Variants in PPEF1 observed in about 807,000 individuals in gnomAD.
The protein encoded by PPEF1 is serine/threonine-protein phosphatase with EF-hands 1.
In PPEF1, 12 loss-of-function variants were observed where a neutral mutation model predicts 53.3. The observed-to-expected ratio is 0.23, with a 90% CI of 0.14 to 0.36. PPEF1 has a LOEUF of 0.36. Ranked by LOEUF, PPEF1 falls within the 10% of genes least tolerant of loss-of-function variation. The pLI is 1.00. For missense variants in PPEF1, 334 were observed against 490.4 expected, an observed-to-expected ratio of 0.68 and a Z score of 3.01; for synonymous variants, 165 against 176.7, an observed-to-expected ratio of 0.93 and a Z score of 0.52.
At chrX:18,814,577 A>G (rs774222564) in intron 12 of PPEF1, among the ~76,000 whole-genome samples, 1 of 111,696 alleles carries the variant, frequency 9.0e-6, no homozygotes, top group South Asian at 3.7e-4. Context: ...TTTGATTTGC[A>G]TTGCTCTGAG....
chrX:18,685,684 C>CAAAAAAAAAA (rs1212907646), intron 2 of PPEF1, among the ~76,000 whole-genome samples: 1 of 28,746 alleles, frequency 3.5e-5, no homozygotes, highest in Non-Finnish European at 6.6e-5. Flanking sequence ...GACTCCATCT[C>CAAAAAAAAAA]AAAAAAAAAA....
chrX:18,823,516 A>T (rs1325347709), intron 13 of PPEF1, among the ~76,000 whole-genome samples: 1 of 109,475 alleles, frequency 9.1e-6, no homozygotes, highest in African/African-American at 3.3e-5. Flanking sequence ...AATCCCAGAT[A>T]CTTGGGAGGC....
At chrX:18,706,393 A>G (rs938959701), upstream of PPEF1, among the ~76,000 whole-genome samples, 3 of 110,046 alleles carry the variant, frequency 2.7e-5, no homozygotes, top group African/African-American at 9.9e-5. Context: ...GAGAAGGACT[A>G]TAGAACACAA....
intron 3 of PPEF1, among the ~76,000 whole-genome samples, chrX:18,740,049 T>G (rs977641385): frequency 1.8e-5 from 2 of 112,430 alleles, no homozygotes; most frequent in African/African-American, 6.5e-5. Context: ...TTCCCTTGGC[T>G]AGGAAAGGGA....
chrX:18,760,943 G>A (rs2045651498), intron 5 of PPEF1, among the ~76,000 whole-genome samples: 1 of 110,279 alleles, frequency 9.1e-6, no homozygotes. Context: ...ACCATGCACA[G>A]CTAATTTTTG....
intron 1 of PPEF1, among the ~76,000 whole-genome samples, chrX:18,728,662 A>G (rs951676983): frequency 1.8e-5 from 2 of 111,108 alleles, no homozygotes; most frequent in East Asian, 2.8e-4. Context: ...TGTTGGGTCT[A>G]TTTCCTGGGG....
intron 3 of PPEF1, among the ~76,000 whole-genome samples, chrX:18,689,480 G>A (rs1290152195): frequency 9.5e-6 from 1 of 105,224 alleles, no homozygotes; most frequent in Non-Finnish European, 2.0e-5. Context: ...GCTCACTCTC[G>A]ACAGAGTGAG....
chrX:18,706,228 A>AAG (rs1375452831), upstream of PPEF1, among the ~76,000 whole-genome samples: 1 of 109,395 alleles, frequency 9.1e-6, no homozygotes, highest in East Asian at 2.8e-4. Flanking sequence ...AAAAAAAAAA[A>AAG]AAAAAAAAAG....
chrX:18,827,749 G>A lies in PPEF1; in HGVS notation c.*262G>A, dbSNP rs1052597888. 8 of 304,864 alleles carry A rather than the reference G, an allele frequency of 2.6e-5. No homozygotes were observed. The highest frequency in any genetic ancestry group is 1.9e-4 in the African/African-American group (7 of 37,759). 25.1% of individuals were successfully genotyped at this position (304,864 alleles called of 1,213,427 possible). On this transcript the variant is annotated 3_prime_UTR_variant, in exon 16 of 16. Coordinates refer to ENST00000470157, the MANE Select transcript of PPEF1 (RefSeq NM_001377996.1). ...AGTGAGAAACTGGGTTGGACCTAGTGGTGTTGTCGTGAGTGCCACCTAACC... is the reference window on the plus strand; with the variant it reads ...AGTGAGAAACTGGGTTGGACCTAGTAGTGTTGTCGTGAGTGCCACCTAACC...
intron 12 of PPEF1, among the ~76,000 whole-genome samples, chrX:18,811,695 C>T (rs1320693819): frequency 9.6e-6 from 1 of 103,954 alleles, no homozygotes; most frequent in Non-Finnish European, 1.9e-5. Context: ...GCAGCCTTGG[C>T]CTGCGGGGCT....
In PPEF1 at chrX:18,824,042, A is replaced by T; in HGVS notation, c.1621A>T (p.Met541Leu). Reference protein sequence around the residue: ...NIDQNGNVEYMSSFQNIRIEK... With the variant: ...NIDQNGNVEYLSSFQNIRIEK... ...AGACCAAAATGGAAACGTTGAATAC[A>T]TGTCCAGCTTCCAGAATATCCGCAT... The change falls in exon 14 of 16, where the codon ATG becomes TTG. Residue 541 changes from methionine to leucine, a missense_variant. Coordinates refer to ENST00000470157, the MANE Select transcript of PPEF1 (RefSeq NM_001377996.1). 1 of 1,205,439 alleles carries T rather than the reference A, an allele frequency of 8.3e-7. No homozygotes were observed. The highest frequency in any genetic ancestry group is 1.1e-6 in the Non-Finnish European group (1 of 890,905).
At chrX:18,745,295 C>G (rs971347236) in intron 3 of PPEF1, among the ~76,000 whole-genome samples, 1 of 103,288 alleles carries the variant, frequency 9.7e-6, no homozygotes, top group Admixed American at 1.1e-4. Flanking sequence ...CTCACTGCAG[C>G]CTCGACCTCC....
At chrX:18,811,603 ATATATATATATATTTTTTT>A (rs1393730532) in intron 12 of PPEF1, among the ~76,000 whole-genome samples, 1,817 of 20,627 alleles carry the variant, frequency 0.088, 43 homozygotes, top group African/African-American at 0.23. Context: ...ATATATATAT[ATATATATATATATTTTTTT>A]TTTTTTTTTT....
intron 10 of PPEF1, among the ~76,000 whole-genome samples, chrX:18,800,652 C>T (rs1011801775): frequency 9.0e-6 from 1 of 111,695 alleles, no homozygotes; most frequent in Non-Finnish European, 1.9e-5. Context: ...TCAAGGAGCT[C>T]ATTGAATGCT....
At chrX:18,681,563 C>G (rs1928884905), upstream of PPEF1, among the ~76,000 whole-genome samples, 2 of 111,883 alleles carry the variant, frequency 1.8e-5, no homozygotes, top group African/African-American at 6.5e-5. Context: ...TCACCCTGGA[C>G]TTGAACGTGA....
chrX:18,782,204 A>G (rs894805488), intron 7 of PPEF1, among the ~76,000 whole-genome samples, 162 bp from the exon 8 acceptor site: 19 of 111,513 alleles, frequency 1.7e-4, no homozygotes, highest in African/African-American at 5.2e-4. Context: ...ATGCTTTCCA[A>G]TCATGCCTAG....
intron 15 of PPEF1, 89 bp from the exon 16 acceptor site, chrX:18,827,186 TG>T: frequency 5.6e-6 from 4 of 708,902 alleles, no homozygotes; most frequent in East Asian, 6.4e-5. Context: ...AGTTTCTAAC[TG>T]GGGCTATTTA....
At chrX:18,764,046 G>A (rs1390302042) in intron 6 of PPEF1, among the ~76,000 whole-genome samples, 3 of 111,689 alleles carry the variant, frequency 2.7e-5, no homozygotes, top group Admixed American at 9.5e-5. Flanking sequence ...AGAAGTAGGA[G>A]GGTAGTAGGA....
intron 14 of PPEF1, among the ~76,000 whole-genome samples, chrX:18,824,774 C>G (rs145253894): frequency 0.019 from 2,126 of 110,006 alleles, 42 homozygotes; most frequent in African/African-American, 0.067. Flanking sequence ...AGTGACTCTC[C>G]TGTCTCAGCT....
Sources: gnomAD v4.1 joint callset for allele counts (sites outside exome capture counted in the v4.1 genomes callset) on GRCh38, gnomAD v4.1.1 for gene constraint, MANE v1.5 for transcripts, NCBI Gene and HGNC (gene_info 2026-07-23, HGNC 2026-07-21) for gene names.